Variants in PCDHGC4 observed in about 807,000 individuals in gnomAD.
PCDHGC4 encodes the protein protocadherin gamma subfamily C, 4.
In PCDHGC4, 15 loss-of-function variants were observed where a neutral mutation model predicts 59.7. That is an observed-to-expected ratio of 0.25 (90% CI 0.17 to 0.39). The LOEUF (loss-of-function observed/expected upper bound fraction) is 0.39, where lower values mean the gene tolerates loss of function less well. Ranked by LOEUF, PCDHGC4 falls within the 10% of genes least tolerant of loss-of-function variation. The probability of loss-of-function intolerance (pLI) is 1.00; values close to 1 mark genes in which losing one functional copy is unlikely to be tolerated. For synonymous variants in PCDHGC4, 434 were observed against 481.4 expected, an observed-to-expected ratio of 0.90 and a Z score of 1.29; for missense variants, 1,016 against 1,189.5, an observed-to-expected ratio of 0.85 and a Z score of 2.15.
At chr5:141,497,503 C>CTGCTTCCT (rs1042765123) in intron 2 of PCDHGC4, among the ~76,000 whole-genome samples, 57 of 151,054 alleles carry the variant, frequency 3.8e-4, no homozygotes, top group African/African-American at 1.4e-3. Flanking sequence ...TCTCCTCTCT[C>CTGCTTCCT]TGCTTCCTTA....
intron 2 of PCDHGC4, among the ~76,000 whole-genome samples, chr5:141,499,283 G>T (rs1460838051): frequency 6.6e-6 from 1 of 152,066 alleles, no homozygotes; most frequent in Non-Finnish European, 1.5e-5. Context: ...TTCTCTGATG[G>T]CTCCACACTA....
At position 141,489,786 on chromosome 5, in the gene PCDHGC4, G is replaced by A. The variant is rs758119518; in HGVS notation, c.2442+2171G>A. 8.7e-6 allele frequency: 14 copies of A among 1,614,194 alleles called. No individual in the cohort carries two copies. Among genetic ancestry groups the A allele is most frequent in the Non-Finnish European group, 1.2e-5 (14 of 1,180,014 alleles). ...CCAACAGCCACTTCTCTCTGAATGTGAAGACCCTAAAAGATGGGAAGCCAT... is the reference window on the plus strand; with the variant it reads ...CCAACAGCCACTTCTCTCTGAATGTAAAGACCCTAAAAGATGGGAAGCCAT... On this transcript the variant is annotated intron_variant, in intron 1 of 3. Transcript: ENST00000306593. This position sits in a 1 kb window ranked among gnomAD's most constrained non-coding sequence, Gnocchi z 4.5.
chr5:141,491,817 G>T lies in PCDHGC4; in HGVS notation c.2443-2990G>T. On this transcript the variant is annotated intron_variant, in intron 1 of 3. Transcript: ENST00000306593. The surrounding 1 kb of genome is among the most constrained non-coding windows in gnomAD (Gnocchi z 6.9). ...TCTCCGGCCGGCTTGGTCGCTGGCT[G>T]CGCTCCACCCGATTCTCGGGATCAT... 1.3e-6 allele frequency: 2 copies of T among 1,484,188 alleles called. No homozygotes were observed. The highest frequency in any genetic ancestry group is 1.8e-6 in the Non-Finnish European group (2 of 1,117,664). 91.9% of individuals were successfully genotyped at this position (1,484,188 alleles called of 1,614,324 possible).
chr5:141,505,513 G>A lies in PCDHGC4; in HGVS notation c.2590+32G>A, dbSNP rs1157816684. ...GGTGTCAGTGTGTGTATGGAAGAGT[G>A]GGAGACCTGGGGTTCTGGGGTGCAT... On this transcript the variant is annotated intron_variant, in intron 3 of 3. Coordinates refer to ENST00000306593, the MANE Select transcript of PCDHGC4 (RefSeq NM_018928.3). The A allele has an allele frequency of 3.1e-6, 5 of 1,613,710 alleles. No homozygotes were observed. In the South Asian group the frequency reaches 3.3e-5, roughly 11 times the overall value.
chr5:141,496,225 G>C (rs112222482), intron 2 of PCDHGC4, among the ~76,000 whole-genome samples: 178 of 152,276 alleles, frequency 1.2e-3, no homozygotes, highest in Non-Finnish European at 1.8e-3. Context: ...TGCTGAGACA[G>C]GAACCCCCTG....
intron 2 of PCDHGC4, among the ~76,000 whole-genome samples, chr5:141,500,428 C>G (rs1224554560): frequency 6.6e-6 from 1 of 151,836 alleles, no homozygotes; most frequent in African/African-American, 2.4e-5. Context: ...CCAGGATGGT[C>G]TCGATCTCCT....
At chr5:141,505,935 C>T (rs2099849264) in intron 3 of PCDHGC4, among the ~76,000 whole-genome samples, 1 of 152,146 alleles carries the variant, frequency 6.6e-6, no homozygotes, top group African/African-American at 2.4e-5. Flanking sequence ...CGCTTGGAAG[C>T]CCTCAAGCAA....
rs752402965 is a variant in PCDHGC4, at chr5:141,491,400, C to G, written c.2443-3407C>G. The G allele has an allele frequency of 2.7e-5, 44 of 1,613,990 alleles. No individual in the cohort carries two copies. The highest frequency in any genetic ancestry group is 3.5e-5 in the Non-Finnish European group (41 of 1,179,996). On this transcript the variant is annotated intron_variant, in intron 1 of 3. Coordinates refer to ENST00000306593, the MANE Select transcript of PCDHGC4 (RefSeq NM_018928.3). The surrounding 1 kb of genome is among the most constrained non-coding windows in gnomAD (Gnocchi z 6.9). ...TGTCAGCGAAGTGCCTTCAGGGAAA[C>G]GCAGACGGGGACGGGGGTGGAGGGC... is the stretch of plus-strand genomic sequence containing the variant.
rs114669158 is a variant in PCDHGC4 at position 141,511,003 on chromosome 5, G to A, written c.2647G>A (p.Ala883Thr). The change falls in exon 4 of 4, where the codon GCC (alanine) becomes ACC (threonine). Residue 883 changes from alanine to threonine, a missense_variant. Physicochemically the swap from Ala to Thr is moderately conservative, Grantham distance 58 (BLOSUM62 0). Coordinates refer to ENST00000306593, the MANE Select transcript of PCDHGC4 (RefSeq NM_018928.3). Reference protein sequence around the residue: ...GGGAGTMGLSARYGPQFTLQH... With the variant: ...GGGAGTMGLSTRYGPQFTLQH... ...GGGTGCCGGCACCATGGGATTGAGCGCCCGCTACGGACCCCAGTTCACCCT... is the reference window on the plus strand; with the variant it reads ...GGGTGCCGGCACCATGGGATTGAGCACCCGCTACGGACCCCAGTTCACCCT... The A allele has an allele frequency of 1.0e-4, 163 of 1,614,148 alleles. 1 individual carries two copies. The highest frequency in any genetic ancestry group is 9.5e-5 in the Non-Finnish European group (112 of 1,180,012).
At chr5:141,492,578 G>A (rs1380328678) in intron 1 of PCDHGC4, among the ~76,000 whole-genome samples, 1 of 152,216 alleles carries the variant, frequency 6.6e-6, no homozygotes, top group Non-Finnish European at 1.5e-5. Flanking sequence ...CGAGGCGCGG[G>A]GCCAGGAGCG....
At position 141,486,209 on chromosome 5, in the gene PCDHGC4, A is replaced by C. The variant is rs749965379; in HGVS notation, c.1036A>C (p.Asn346His). Residue 346 changes from asparagine (N) to histidine (H), a missense_variant, in exon 1 of 4, where the codon AAT (asparagine) becomes CAT (histidine). Asn to His is a moderately conservative substitution (Grantham distance 68, BLOSUM62 1). Transcript: ENST00000306593. The surrounding 1 kb of genome is among the most constrained non-coding windows in gnomAD (Gnocchi z 5.0). ...AGTGGATCTGCTGGACGTAAATGAC[A>C]ATGCCCCTTACATCACAGTGACCTC... ...LRVDLLDVND[N>H]APYITVTSEL... is the part of the protein sequence containing the mutation. 1 of 1,614,080 alleles carries C rather than the reference A, an allele frequency of 6.2e-7. No homozygotes were observed. Among genetic ancestry groups the C allele is most frequent in the South Asian group, 1.1e-5 (1 of 91,078 alleles).
chr5:141,495,982 T>C (rs2099765062), intron 2 of PCDHGC4, among the ~76,000 whole-genome samples: 2 of 152,144 alleles, frequency 1.3e-5, no homozygotes. Context: ...TACTCTTTCT[T>C]TATCTCTCTT....
rs1173771781 is a variant in PCDHGC4 at position 141,486,312 on chromosome 5, G to A, written c.1139G>A (p.Gly380Glu). Reference sequence around the variant, plus strand: ...ATCAGTGTGCAGGATCCAGACTCAGGGTCAAACGGAGATGTGAGCCTCCGC... The same window carrying A: ...ATCAGTGTGCAGGATCCAGACTCAGAGTCAAACGGAGATGTGAGCCTCCGC... The part of the protein sequence containing the change: ...ALISVQDPDS[G>E]SNGDVSLRIP... The change falls in exon 1 of 4, where the codon GGG (glycine) becomes GAG (glutamate). Residue 380 changes from glycine to glutamate, a missense_variant. Coordinates refer to ENST00000306593, the MANE Select transcript of PCDHGC4 (RefSeq NM_018928.3). The surrounding 1 kb of genome is among the most constrained non-coding windows in gnomAD (Gnocchi z 5.0). The A allele has an allele frequency of 1.2e-6, 2 of 1,613,864 alleles. No individual in the cohort carries two copies. Among genetic ancestry groups the A allele is most frequent in the African/African-American group, 1.3e-5 (1 of 74,842 alleles).
intron 2 of PCDHGC4, among the ~76,000 whole-genome samples, chr5:141,499,010 AAGG>A (rs2099788390): frequency 6.6e-6 from 1 of 151,098 alleles, no homozygotes; most frequent in Non-Finnish European, 1.5e-5. Context: ...GGAAGGAAGG[AAGG>A]AAGGAAGGAA....
chr5:141,505,155 C>T (rs2099844224), intron 2 of PCDHGC4, among the ~76,000 whole-genome samples: 1 of 152,162 alleles, frequency 6.6e-6, no homozygotes, highest in Non-Finnish European at 1.5e-5. Context: ...GAGTAAGACC[C>T]TGTCTAAAAC....
chr5:141,492,106 C>T (rs1265796740), intron 1 of PCDHGC4, among the ~76,000 whole-genome samples: 2 of 152,238 alleles, frequency 1.3e-5, no homozygotes, highest in South Asian at 2.1e-4. Flanking sequence ...TGTAGATTTC[C>T]TCTTCGATTT....
chr5:141,503,547 C>T (rs545918096), intron 2 of PCDHGC4, among the ~76,000 whole-genome samples: 22 of 147,734 alleles, frequency 1.5e-4, no homozygotes, highest in African/African-American at 4.8e-4. Flanking sequence ...TGCAGTGAGC[C>T]GAGATCGCGC....
chr5:141,510,526 A>T (rs1164238062), intron 3 of PCDHGC4, among the ~76,000 whole-genome samples: 1 of 152,156 alleles, frequency 6.6e-6, no homozygotes, highest in East Asian at 1.9e-4. Flanking sequence ...CAGCCCTGAG[A>T]GAAATACCAG....
intron 2 of PCDHGC4, among the ~76,000 whole-genome samples, chr5:141,498,112 AG>A (rs947089103): frequency 2.0e-5 from 3 of 152,232 alleles, no homozygotes; most frequent in African/African-American, 7.2e-5. Flanking sequence ...GGCGTATAAT[AG>A]GGATTTGATT....
Sources: allele counts gnomAD v4.1 joint callset (sites outside exome capture counted in the v4.1 genomes callset), GRCh38; gene constraint gnomAD v4.1.1; non-coding constraint Gnocchi (gnomAD v3.1); transcripts MANE v1.5; gene names NCBI Gene and HGNC (gene_info 2026-07-23, HGNC 2026-07-21).